TENM2: variants seen among roughly 807,000 people sequenced by gnomAD.
TENM2 encodes teneurin-2.
A neutral mutation model predicts 245.2 loss-of-function variants in TENM2; 52 were observed. The observed-to-expected ratio is 0.21, with a 90% confidence interval of 0.17 to 0.27. The LOEUF (loss-of-function observed/expected upper bound fraction) is 0.27, where lower values mean the gene tolerates loss of function less well. Among genes scored for constraint, TENM2 ranks in the 10% least tolerant of loss-of-function variants. The pLI is 1.00. For synonymous variants in TENM2, 1,363 were observed against 1,438.9 expected, an observed-to-expected ratio of 0.95 and a Z score of 1.19; for missense variants, 3,046 against 3,666.8, an observed-to-expected ratio of 0.83 and a Z score of 4.37.
chr5:167,185,768 AG>A, the TENM2 span, among the ~76,000 whole-genome samples: 2 of 152,116 alleles, frequency 1.3e-5, no homozygotes, highest in African/African-American at 4.8e-5. Flanking sequence ...ATTAACCATA[AG>A]CCTCCATGCT....
chr5:168,219,249 T>G (rs551401733), intron 23 of TENM2, among the ~76,000 whole-genome samples: 2 of 152,302 alleles, frequency 1.3e-5, no homozygotes, highest in Middle Eastern at 3.4e-3. Flanking sequence ...GCCGTTCAAA[T>G]TTCAGGATAT....
chr5:168,247,068 C>G lies in TENM2; in HGVS notation c.6129C>G (p.Asp2043Glu), dbSNP rs116810963. ...GTACCGCCGTCACCTTCGGGTATGA[C>G]GAGACCACTGGTGTCTTGAAGATGG... The change falls in exon 27 of 29, where the codon GAC (aspartate) becomes GAG (glutamate). Residue 2043 changes from aspartate to glutamate, a missense_variant. Asp to Glu is a conservative substitution (Grantham distance 45, BLOSUM62 2). Transcript: ENST00000518659. The surrounding 1 kb of genome is among the most constrained non-coding windows in gnomAD (Gnocchi z 7.8). The G allele has an allele frequency of 5.0e-6, 8 of 1,613,800 alleles. No homozygotes were observed. In the East Asian group the frequency reaches 1.6e-4, roughly 31 times the overall value.
At chr5:167,796,567 G>A (rs958458703) in intron 2 of TENM2, among the ~76,000 whole-genome samples, 3 of 151,866 alleles carry the variant, frequency 2.0e-5, no homozygotes, top group Non-Finnish European at 4.4e-5. Context: ...TACACTCTTA[G>A]CATCTTTTTT....
chr5:167,755,895 T>G (rs750939863), intron 2 of TENM2, among the ~76,000 whole-genome samples: 2 of 152,204 alleles, frequency 1.3e-5, no homozygotes, highest in Non-Finnish European at 2.9e-5. Flanking sequence ...AGGGTGCTGC[T>G]GTCTCATCAG....
At chr5:167,119,310 G>A in the TENM2 span, among the ~76,000 whole-genome samples, 3 of 152,136 alleles carry the variant, frequency 2.0e-5, no homozygotes, top group East Asian at 3.9e-4. Flanking sequence ...GTGATTTAAC[G>A]CAAGGTGAAA....
intron 2 of TENM2, among the ~76,000 whole-genome samples, chr5:167,456,340 T>G (rs1211112547): frequency 6.6e-6 from 1 of 152,218 alleles, no homozygotes; most frequent in Non-Finnish European, 1.5e-5. Context: ...TTATGTTTTA[T>G]TCTATAGCAG....
At chr5:168,057,418 T>G (rs899470020) in intron 6 of TENM2, among the ~76,000 whole-genome samples, 1 of 152,082 alleles carries the variant, frequency 6.6e-6, no homozygotes, top group South Asian at 2.1e-4. Context: ...TAATAAGGAA[T>G]GCCATTTAAG....
intron 4 of TENM2, among the ~76,000 whole-genome samples, chr5:167,961,537 GGAAGA>G (rs1411862770): frequency 2.6e-5 from 4 of 152,142 alleles, no homozygotes; most frequent in Non-Finnish European, 4.4e-5. Context: ...GGAAAGAAAG[GGAAGA>G]GGAGATGTAA....
At chr5:167,663,173 AGAGAGAGAGAG>A (rs1561650028) in intron 2 of TENM2, among the ~76,000 whole-genome samples, 7 of 151,270 alleles carry the variant, frequency 4.6e-5, no homozygotes, top group South Asian at 2.1e-4. Context: ...AGAGAGAGAG[AGAGAGAGAGAG>A]AGAAAGAGAG....
At chr5:167,440,526 C>CAT (rs59451472) in intron 2 of TENM2, among the ~76,000 whole-genome samples, 4,058 of 152,056 alleles carry the variant, frequency 0.027, 187 homozygotes, top group African/African-American at 0.093. Flanking sequence ...TCAAATGAAA[C>CAT]ATATATATAA....
At chr5:167,997,372 T>G (rs1049198858) in intron 5 of TENM2, among the ~76,000 whole-genome samples, 41 of 152,194 alleles carry the variant, frequency 2.7e-4, no homozygotes, top group African/African-American at 9.7e-4. Flanking sequence ...TTTAGCAAGG[T>G]AGAGTAGTTG....
the TENM2 span, among the ~76,000 whole-genome samples, chr5:166,992,029 T>C: frequency 6.6e-6 from 1 of 150,586 alleles, no homozygotes; most frequent in Non-Finnish European, 1.5e-5. Flanking sequence ...GGAAGAGAAA[T>C]GGTGAAATAA....
At chr5:167,020,101 T>C in the TENM2 span, among the ~76,000 whole-genome samples, 15 of 152,316 alleles carry the variant, frequency 9.8e-5, no homozygotes, top group African/African-American at 3.1e-4. Flanking sequence ...AAGTTTATTA[T>C]CTTCTGACCT....
At chr5:167,152,231 T>C in the TENM2 span, among the ~76,000 whole-genome samples, 1 of 152,238 alleles carries the variant, frequency 6.6e-6, no homozygotes, top group East Asian at 1.9e-4. Flanking sequence ...AATTTTATTA[T>C]GAAGCTTATT....
intron 4 of TENM2, among the ~76,000 whole-genome samples, chr5:167,973,340 C>A (rs923241664): frequency 1.1e-4 from 16 of 152,116 alleles, no homozygotes; most frequent in Non-Finnish European, 2.4e-4. Context: ...TATTTCCCAC[C>A]TCCTGTTGGT....
the TENM2 span, among the ~76,000 whole-genome samples, chr5:167,136,202 A>G: frequency 6.6e-6 from 1 of 152,170 alleles, no homozygotes; most frequent in Non-Finnish European, 1.5e-5. Flanking sequence ...CAGCTGGATT[A>G]TTATTTTTTG....
At chr5:167,006,868 T>A in the TENM2 span, among the ~76,000 whole-genome samples, 1 of 152,124 alleles carries the variant, frequency 6.6e-6, no homozygotes, top group East Asian at 1.9e-4. Context: ...GGTTTCTTCA[T>A]GTTGCTCAGG....
At chr5:167,080,721 A>T in the TENM2 span, among the ~76,000 whole-genome samples, 91 of 152,338 alleles carry the variant, frequency 6.0e-4, no homozygotes, top group African/African-American at 2.0e-3. Flanking sequence ...TGATTAAATA[A>T]TGACATCCAA....
the TENM2 span, among the ~76,000 whole-genome samples, chr5:167,248,307 C>T: frequency 2.0e-5 from 3 of 152,028 alleles, no homozygotes; most frequent in African/African-American, 4.8e-5. Context: ...ATTATGTGAA[C>T]GTGTTGAGCG....
Sources: allele counts gnomAD v4.1 joint callset (sites outside exome capture counted in the v4.1 genomes callset), GRCh38; gene constraint gnomAD v4.1.1; non-coding constraint Gnocchi (gnomAD v3.1); transcripts MANE v1.5; gene names NCBI Gene and HGNC (gene_info 2026-07-23, HGNC 2026-07-21).